The following GAA variants were observed in gnomAD, a reference collection of about 807,000 sequenced individuals.
GAA encodes the protein lysosomal alpha-glucosidase.
A neutral mutation model predicts 103.9 loss-of-function variants in GAA; 88 were observed. The ratio of observed to expected loss-of-function variants is 0.85; its 90% CI spans 0.71 to 1.01. GAA has a LOEUF of 1.01. Among genes scored for constraint, GAA ranks in the 50% least tolerant of loss-of-function variants. GAA has a pLI of 0.00. For missense variants in GAA, 1,350 were observed against 1,305.3 expected, an observed-to-expected ratio of 1.03 and a Z score of -0.53; for synonymous variants, 572 against 563.1, an observed-to-expected ratio of 1.02 and a Z score of -0.22.
At chr17:80,118,834 C>G (rs779504395) in intron 19 of GAA, 29 bp downstream of exon 19, 2 of 1,611,322 alleles carry the variant, frequency 1.2e-6, no homozygotes, top group Admixed American at 1.7e-5. Context: ...GCACAGGGAT[C>G]GCGTCCCCCA....
chr17:80,107,944 G>C (rs1314387557), intron 5 of GAA, 48 bp downstream of exon 5: 2 of 1,533,170 alleles, frequency 1.3e-6, no homozygotes, highest in Admixed American at 3.8e-5. Flanking sequence ...CCTCCGTGCT[G>C]CCTGCCCTGG....
chr17:80,111,947 G>C (rs1394361255), intron 11 of GAA, 36 bp from the exon 12 acceptor site: 1 of 1,582,204 alleles, frequency 6.3e-7, no homozygotes, highest in Non-Finnish European at 8.7e-7. Flanking sequence ...CCTGCCGGGA[G>C]GAAGCTCCCT....
intron 8 of GAA, 106 bp from the exon 9 acceptor site, chr17:80,109,839 C>A (rs375580160): frequency 1.3e-6 from 1 of 798,494 alleles, no homozygotes; most frequent in Non-Finnish European, 2.2e-6. Flanking sequence ...GCTGTACACA[C>A]GCATGATGTC....
Position 80,119,503 on chromosome 17 carries a change from C to T in GAA, c.*172C>T. 1.5e-6 allele frequency: 1 copy of T among 673,462 alleles called. No individual in the cohort carries two copies. The highest frequency in any genetic ancestry group is 2.1e-5 in the Admixed American group (1 of 48,050). The allele number at this position is 673,462 out of a possible 1,614,324, so 41.7% of individuals were successfully genotyped here. On this transcript the variant is annotated 3_prime_UTR_variant, in exon 20 of 20. Coordinates refer to ENST00000302262, the MANE Select transcript of GAA (RefSeq NM_000152.5). ...TGTTTCCACCTCCTGGGCCGGGGCT[C>T]TGGCCCCCAACGTGTCTAGGAGAGC...
chr17:80,118,418 AG>A, intron 18 of GAA, 61 bp downstream of exon 18: 1 of 1,553,026 alleles, frequency 6.4e-7, no homozygotes, highest in Non-Finnish European at 8.7e-7. Context: ...AGAAGGGGTG[AG>A]GGGACCTGGG....
chr17:80,114,517 T>TA (rs2143905871), intron 15 of GAA, among the ~76,000 whole-genome samples: 1 of 151,894 alleles, frequency 6.6e-6, no homozygotes, highest in South Asian at 2.1e-4. Flanking sequence ...TTCAATAGCA[T>TA]AAAAAAGCTT....
chr17:80,114,967 G>A (rs931921665), intron 15 of GAA, among the ~76,000 whole-genome samples: 26 of 152,014 alleles, frequency 1.7e-4, no homozygotes, highest in African/African-American at 4.8e-4. Flanking sequence ...CATGGCCTCC[G>A]TGGTTTCTGC....
At chr17:80,115,340 G>T (rs1271908631) in intron 15 of GAA, among the ~76,000 whole-genome samples, 3 of 152,002 alleles carry the variant, frequency 2.0e-5, no homozygotes, top group Admixed American at 6.6e-5. Flanking sequence ...TTTTCCACCA[G>T]TTCTCATCTG....
Position 80,108,768 on chromosome 17 carries a change from G to T in GAA, c.1266G>T (p.Arg422=). Reference sequence around the variant, plus strand: ...TCACGTTCAACAAGGATGGCTTCCGGGACTTCCCGGCCATGGTGCAGGAGC... The same window carrying T: ...TCACGTTCAACAAGGATGGCTTCCGTGACTTCCCGGCCATGGTGCAGGAGC... ...RDFTFNKDGF[R]DFPAMVQELH... is the part of the protein sequence containing the mutation. Residue 422 remains arginine, a synonymous_variant, in exon 8 of 20, where the codon CGG becomes CGT. Transcript: ENST00000302262. The T allele has an allele frequency of 1.9e-6, 3 of 1,610,218 alleles. No homozygotes were observed. Among genetic ancestry groups the T allele is most frequent in the Non-Finnish European group, 2.5e-6 (3 of 1,178,766 alleles).
chr17:80,108,225 T>C, intron 5 of GAA, 65 bp from the exon 6 acceptor site: 1 of 1,612,368 alleles, frequency 6.2e-7, no homozygotes. Context: ...TTGGCCCATC[T>C]GTGGGGTGCA....
At position 80,113,167 on chromosome 17, in the gene GAA, G is replaced by A. The variant is rs750006401; in HGVS notation, c.2041-51G>A. On this transcript the variant is annotated intron_variant, in intron 14 of 19. Transcript: ENST00000302262. ...CTCTCCCGAGGCGGGGACTCCAGGG[G>A]ACCGCGGCCCCAGCACCCAAGTGCT... The A allele has an allele frequency of 3.9e-6, 6 of 1,551,180 alleles. No homozygotes were observed. The Admixed American group carries it at 5.7e-5, about 15-fold the overall frequency.
Position 80,119,372 on chromosome 17 carries a change from C to A in GAA, c.*41C>A, listed in dbSNP as rs751346968. On this transcript the variant is annotated 3_prime_UTR_variant, in exon 20 of 20. Transcript: ENST00000302262. ...TAGTCTCTCCAGAGGGAGGCTGGTT[C>A]CCCAGGGAAGCAGAGCCTGTGTGCG... The A allele has an allele frequency of 6.4e-7, 1 of 1,563,614 alleles. No individual in the cohort carries two copies. Among genetic ancestry groups the A allele is most frequent in the Non-Finnish European group, 8.8e-7 (1 of 1,134,378 alleles).
Position 80,104,992 on chromosome 17 carries a change from TACAAGCTGGAGA to T in GAA, c.409_420del (p.Lys137_Asn140del). 6.2e-7 allele frequency: 1 copy of T among 1,612,910 alleles called. No homozygotes were observed. Among genetic ancestry groups the T allele is most frequent in the Non-Finnish European group, 8.5e-7 (1 of 1,180,012 alleles). On this transcript the variant is annotated inframe_deletion, in exon 2 of 20. Coordinates refer to ENST00000302262, the MANE Select transcript of GAA (RefSeq NM_000152.5). The surrounding 1 kb of genome is among the most constrained non-coding windows in gnomAD (Gnocchi z 4.0). Reference sequence around the variant, plus strand: ...CTTCTTCCCACCCAGCTACCCCAGCTACAAGCTGGAGAACCTGAGCTCCTCTGAAATGGGCTA... The same window carrying T: ...CTTCTTCCCACCCAGCTACCCCAGCTACCTGAGCTCCTCTGAAATGGGCTA...
In GAA at chr17:80,117,698, C is replaced by T. The variant is rs554839058; in HGVS notation, c.2430C>T (p.Pro810=). The T allele has an allele frequency of 2.4e-5, 39 of 1,612,428 alleles. No individual in the cohort carries two copies. The highest frequency in any genetic ancestry group is 7.7e-5 in the South Asian group (7 of 91,042). The change falls in exon 17 of 20, where the codon CCC becomes CCT. Residue 810 remains proline (P), a synonymous_variant. Transcript: ENST00000302262. ...GGCAGTGGGTGACGCTGCCGGCCCC[C>T]CTGGACACCATCAACGTCCACCTCC... ...SEGQWVTLPA[P]LDTINVHLRA...
Position 80,101,617 on chromosome 17 carries a change from T to A in GAA, c.-306T>A, listed in dbSNP as rs1184879391. On this transcript the variant is annotated 5_prime_UTR_variant, in exon 1 of 20. Coordinates refer to ENST00000302262, the MANE Select transcript of GAA (RefSeq NM_000152.5). ...TCTCCGCGGGCGGCCAGGGCGCGCG[T>A]GCGCGGAGGTGAGCCGGGCCGGGGC... 2 of 150,514 alleles carry A rather than the reference T, an allele frequency of 1.3e-5. No homozygotes were observed. The highest frequency in any genetic ancestry group is 1.3e-4 in the Admixed American group (2 of 15,128). The allele number at this position is 150,514 out of a possible 1,614,324, so 9.3% of individuals were successfully genotyped here. A position where few individuals can be genotyped will look rare whatever the true frequency, so the allele number is the denominator to read the frequency against.
Position 80,104,998 on chromosome 17 carries a change from C to G in GAA, c.412C>G (p.Leu138Val), listed in dbSNP as rs761221259. ...CCCACCCAGCTACCCCAGCTACAAG[C>G]TGGAGAACCTGAGCTCCTCTGAAAT... ...FFPPSYPSYK[L>V]ENLSSSEMGY... The change falls in exon 2 of 20, where the codon CTG (leucine) becomes GTG (valine). Residue 138 changes from leucine to valine, a missense_variant. Physicochemically the swap from Leu to Val is conservative, Grantham distance 32 (BLOSUM62 1). Transcript: ENST00000302262. The surrounding 1 kb of genome is among the most constrained non-coding windows in gnomAD (Gnocchi z 4.0). The G allele has an allele frequency of 2.5e-6, 4 of 1,612,960 alleles. No homozygotes were observed. In the Admixed American group the frequency reaches 6.7e-5, roughly 27 times the overall value.
At chr17:80,111,239 C>T (rs568011999) in intron 11 of GAA, among the ~76,000 whole-genome samples, 8 of 152,300 alleles carry the variant, frequency 5.3e-5, no homozygotes, top group Admixed American at 2.6e-4. Flanking sequence ...CCGGAGGAGA[C>T]GCCGCTCACA....
intron 15 of GAA, among the ~76,000 whole-genome samples, chr17:80,115,749 A>C (rs1336589092): frequency 6.6e-6 from 1 of 151,962 alleles, no homozygotes; most frequent in East Asian, 1.9e-4. Flanking sequence ...TTGTTTTGTG[A>C]CTTTCTTGAG....
In GAA at chr17:80,110,718, G is replaced by A. The variant is rs202211401; in HGVS notation, c.1438-9G>A. On this transcript the variant is annotated splice_polypyrimidine_tract_variant and intron_variant, in intron 9 of 19. Coordinates refer to ENST00000302262, the MANE Select transcript of GAA (RefSeq NM_000152.5). ...CCGGGTCTCCCCACTGCAGCCTCTC[G>A]TTGTCCAGGTATGGCCCGGGTCCAC... is the stretch of plus-strand genomic sequence containing the variant. The A allele has an allele frequency of 1.0e-4, 166 of 1,613,144 alleles. No homozygotes were observed. In the African/African-American group the frequency reaches 1.6e-3, roughly 15 times the overall value.
Sources: gnomAD v4.1 joint callset for allele counts (sites outside exome capture counted in the v4.1 genomes callset) on GRCh38, gnomAD v4.1.1 for gene constraint, Gnocchi (gnomAD v3.1) non-coding constraint, MANE v1.5 for transcripts, NCBI Gene and HGNC (gene_info 2026-07-23, HGNC 2026-07-21) for gene names.